MTSS1: variants seen among roughly 807,000 people sequenced by gnomAD.
MTSS1 encodes the protein protein MTSS 1.
A neutral mutation model predicts 79.0 loss-of-function variants in MTSS1; 18 were observed. The observed-to-expected ratio is 0.23, with a 90% CI of 0.16 to 0.34. The LOEUF is 0.34. MTSS1 is among the 10% of genes least tolerant of loss of function. MTSS1 has a pLI of 1.00. For synonymous variants in MTSS1, 341 were observed against 368.6 expected (o/e 0.93, Z 0.86); for missense variants, 815 against 986.2 (o/e 0.83, Z 2.33).
At chr8:124,680,690 C>A (rs929996203) in intron 3 of MTSS1, among the ~76,000 whole-genome samples, 2 of 152,120 alleles carry the variant, frequency 1.3e-5, no homozygotes, top group African/African-American at 4.8e-5. Context: ...TCTTGACTAC[C>A]AATGGACTCT....
intron 1 of MTSS1, among the ~76,000 whole-genome samples, chr8:124,718,746 G>C (rs1587980744): frequency 6.6e-6 from 1 of 152,252 alleles, no homozygotes; most frequent in South Asian, 2.1e-4. Context: ...GTGCAGAGTG[G>C]TTACTGGAGC....
intron 10 of MTSS1, 39 bp from the exon 11 acceptor site, chr8:124,557,914 AATT>A: frequency 6.7e-7 from 1 of 1,488,296 alleles, no homozygotes; most frequent in Non-Finnish European, 9.2e-7. Context: ...AAGGAAAAAA[AATT>A]AATATAACAG....
chr8:124,577,609 T>C (rs777738321), intron 6 of MTSS1: 2 of 518,876 alleles, frequency 3.9e-6, no homozygotes, highest in Admixed American at 3.9e-5. Flanking sequence ...ATGGTCACAA[T>C]AGGTCTAAGG....
At chr8:124,693,503 T>G (rs572215079) in intron 3 of MTSS1, among the ~76,000 whole-genome samples, 3 of 152,210 alleles carry the variant, frequency 2.0e-5, no homozygotes, top group Non-Finnish European at 4.4e-5. Flanking sequence ...AAATCTGTAC[T>G]GCAAATGTGT....
At chr8:124,646,618 AG>A (rs1338392121) in intron 3 of MTSS1, among the ~76,000 whole-genome samples, 8 of 152,212 alleles carry the variant, frequency 5.3e-5, no homozygotes, top group African/African-American at 9.7e-5. Context: ...TGATGAAAGC[AG>A]GGTTTCTCAA....
In MTSS1 at chr8:124,553,153, G is replaced by T; in HGVS notation, c.2107C>A (p.Pro703Thr). The change falls in exon 14 of 14, where the codon CCA (proline) becomes ACA (threonine). Residue 703 changes from proline to threonine, a missense_variant. Physicochemically the swap from Pro to Thr is conservative, Grantham distance 38. Transcript: ENST00000518547. This position sits in a 1 kb window ranked among gnomAD's most constrained non-coding sequence, Gnocchi z 6.0. ...TGGCCTGGGGAGACAGTGGCACTTG[G>T]GGGTTCCCGTTCCTGGTCTTCAGCT... ...SEAEDQEREPPSATVSPGQIP... is the reference protein window; with the variant it reads ...SEAEDQEREPTSATVSPGQIP... 1 of 1,614,124 alleles carries T rather than the reference G, an allele frequency of 6.2e-7. No homozygotes were observed. Among genetic ancestry groups the T allele is most frequent in the Non-Finnish European group, 8.5e-7 (1 of 1,180,042 alleles).
intron 3 of MTSS1, among the ~76,000 whole-genome samples, chr8:124,622,909 C>A (rs917685790): frequency 6.6e-6 from 1 of 152,086 alleles, no homozygotes; most frequent in Non-Finnish European, 1.5e-5. Flanking sequence ...AATATACACA[C>A]AAACACACAA....
At chr8:124,570,495 CTAT>C (rs1328776907) in intron 6 of MTSS1, among the ~76,000 whole-genome samples, 1 of 152,080 alleles carries the variant, frequency 6.6e-6, no homozygotes, top group Admixed American at 6.6e-5. Flanking sequence ...TATAATTGTT[CTAT>C]TATTATTGTT....
At position 124,566,924 on chromosome 8, in the gene MTSS1, G is replaced by A. The variant is rs1425105032; in HGVS notation, c.726+147C>T. 1.9e-5 allele frequency: 12 copies of A among 641,420 alleles called. 1 individual carries two copies. Among genetic ancestry groups the A allele is most frequent in the South Asian group, 1.3e-4 (7 of 51,988 alleles). The allele number at this position is 641,420 out of a possible 1,614,324, so 39.7% of individuals were successfully genotyped here. A position where few individuals can be genotyped will look rare whatever the true frequency, so the allele number is the denominator to read the frequency against. Reference sequence around the variant, plus strand: ...CACAATAGGTTCTATGTAACAGCTCGCTGTGGTGATTTCATATATTACATC... The same window carrying A: ...CACAATAGGTTCTATGTAACAGCTCACTGTGGTGATTTCATATATTACATC... On this transcript the variant is annotated intron_variant, in intron 8 of 13. Transcript: ENST00000518547.
intron 3 of MTSS1, among the ~76,000 whole-genome samples, chr8:124,624,292 G>A (rs566127190): frequency 4.6e-4 from 70 of 152,252 alleles, no homozygotes; most frequent in African/African-American, 1.5e-3. Context: ...AAATGGCTCC[G>A]CGTTCAGACA....
At chr8:124,640,230 C>T (rs1434248641) in intron 3 of MTSS1, among the ~76,000 whole-genome samples, 1 of 152,254 alleles carries the variant, frequency 6.6e-6, no homozygotes, top group Admixed American at 6.5e-5. Context: ...CTGAGAAACG[C>T]AGTCACTCTG....
intron 2 of MTSS1, 139 bp from the exon 3 acceptor site, chr8:124,699,738 T>C (rs1829428430): frequency 1.3e-6 from 1 of 755,882 alleles, no homozygotes; most frequent in African/African-American, 1.7e-5. Flanking sequence ...GGACAACCAC[T>C]GTCTTGCTGA....
intron 1 of MTSS1, among the ~76,000 whole-genome samples, chr8:124,707,036 T>C (rs1364782320): frequency 6.6e-6 from 1 of 150,518 alleles, no homozygotes; most frequent in African/African-American, 2.4e-5. Context: ...CGTCCGACCA[T>C]TCCTTCTCTT....
chr8:124,679,544 A>C (rs1239606013), intron 3 of MTSS1, among the ~76,000 whole-genome samples: 1 of 152,204 alleles, frequency 6.6e-6, no homozygotes, highest in African/African-American at 2.4e-5. Context: ...AGTTGGCCCC[A>C]CTGGGCCAAA....
At chr8:124,601,151 C>G (rs905618812) in intron 3 of MTSS1, among the ~76,000 whole-genome samples, 2 of 151,234 alleles carry the variant, frequency 1.3e-5, no homozygotes, top group African/African-American at 2.4e-5. Context: ...ACCTCCACCT[C>G]CCGGGTTCAA....
chr8:124,590,999 G>A (rs1831781801), intron 4 of MTSS1, 152 bp downstream of exon 4: 1 of 670,344 alleles, frequency 1.5e-6, no homozygotes, highest in East Asian at 2.8e-5. Context: ...ACCAGTGCCT[G>A]GTATGCAGCA....
At chr8:124,611,433 C>G (rs1183354105) in intron 3 of MTSS1, among the ~76,000 whole-genome samples, 1 of 152,140 alleles carries the variant, frequency 6.6e-6, no homozygotes, top group African/African-American at 2.4e-5. Context: ...CCTGAACACA[C>G]GACCTCCAGC....
At chr8:124,641,438 T>G (rs1818032099) in intron 3 of MTSS1, among the ~76,000 whole-genome samples, 1 of 152,272 alleles carries the variant, frequency 6.6e-6, no homozygotes, top group South Asian at 2.1e-4. Context: ...TCAATTCCTT[T>G]GTTTGAAACG....
At chr8:124,682,391 C>T (rs1032193214) in intron 3 of MTSS1, among the ~76,000 whole-genome samples, 4 of 152,214 alleles carry the variant, frequency 2.6e-5, no homozygotes, top group Non-Finnish European at 4.4e-5. Context: ...AAAACTAACA[C>T]GGCTATCCCT....
Sources: gnomAD v4.1 joint callset for allele counts (sites outside exome capture counted in the v4.1 genomes callset) on GRCh38, gnomAD v4.1.1 for gene constraint, Gnocchi (gnomAD v3.1) non-coding constraint, MANE v1.5 for transcripts, NCBI Gene and HGNC (gene_info 2026-07-23, HGNC 2026-07-21) for gene names.